CDH11: variants seen among roughly 807,000 people sequenced by gnomAD.
CDH11 encodes cadherin-11.
Under a neutral mutation model 67.8 loss-of-function variants are expected in CDH11, and 11 were observed. The observed-to-expected ratio is 0.16, with a 90% CI of 0.10 to 0.27. The LOEUF is 0.27. Ranked by LOEUF, CDH11 falls within the 10% of genes least tolerant of loss-of-function variation. The pLI, the probability that CDH11 is intolerant of heterozygous loss-of-function variation, is 1.00. For missense variants in CDH11, 847 were observed against 1,031.2 expected (o/e 0.82, Z 2.45); for synonymous variants, 419 against 400.0 (o/e 1.05, Z -0.57).
Position 65,101,054 on chromosome 16 carries a change from C to G in CDH11, c.-298+20826G>C, listed in dbSNP as rs2074982717. 3.3e-5 allele frequency among the ~76,000 whole-genome samples: 5 copies of G among 152,286 alleles called. No homozygotes were observed. The South Asian group carries it at 1.0e-3, about 32-fold the overall frequency. ...AACTTTCTTCCTTAAAGTAATTCCTCAAATATGTGTAGGCTATATTCTTCC... is the reference window on the plus strand; with the variant it reads ...AACTTTCTTCCTTAAAGTAATTCCTGAAATATGTGTAGGCTATATTCTTCC... On this transcript the variant is annotated intron_variant, in intron 1 of 12. Coordinates refer to ENST00000268603, the MANE Select transcript of CDH11 (RefSeq NM_001797.4).
chr16:65,111,735 AT>A (rs1040633814), intron 1 of CDH11, among the ~76,000 whole-genome samples: 7 of 150,632 alleles, frequency 4.6e-5, no homozygotes, highest in Middle Eastern at 3.4e-3. Flanking sequence ...CAATCTGGAG[AT>A]TTTAAGAATG....
chr16:64,973,019 A>C lies in CDH11; in HGVS notation c.1275T>G (p.Thr425=). The part of the protein sequence containing the change: ...SPIRYSIDRH[T]DLDRFFTINP... The stretch of plus-strand genomic sequence containing the variant: ...TAATAGTGAAAAATCTGTCGAGGTC[A>C]GTGTGACGATCGATGGAATACCTAA... The change falls in exon 9 of 13, where the codon ACT becomes ACG. Residue 425 remains threonine, a synonymous_variant. Coordinates refer to ENST00000268603, the MANE Select transcript of CDH11 (RefSeq NM_001797.4). 1 of 1,613,668 alleles carries C rather than the reference A, an allele frequency of 6.2e-7. No homozygotes were observed. Among genetic ancestry groups the C allele is most frequent in the South Asian group, 1.1e-5 (1 of 91,076 alleles).
At chr16:64,958,350 A>G (rs746127154) in intron 11 of CDH11, among the ~76,000 whole-genome samples, 1 of 152,118 alleles carries the variant, frequency 6.6e-6, no homozygotes, top group Non-Finnish European at 1.5e-5. Flanking sequence ...GCTTATATTT[A>G]TATTGCAGAT....
chr16:65,059,938 A>G (rs1314933782), intron 1 of CDH11, among the ~76,000 whole-genome samples: 1 of 152,144 alleles, frequency 6.6e-6, no homozygotes, highest in Admixed American at 6.5e-5. Context: ...ACTACATTTT[A>G]TCTGTATTTC....
At chr16:64,983,936 C>T (rs1394156830) in intron 7 of CDH11, among the ~76,000 whole-genome samples, 1 of 152,160 alleles carries the variant, frequency 6.6e-6, no homozygotes, top group Non-Finnish European at 1.5e-5. Context: ...AGAGCAGAAA[C>T]TTTTGTACTT....
At chr16:65,036,063 T>G (rs1363786764) in intron 2 of CDH11, among the ~76,000 whole-genome samples, 1 of 152,188 alleles carries the variant, frequency 6.6e-6, no homozygotes, top group Non-Finnish European at 1.5e-5. Context: ...TGCTGAACAC[T>G]ATGCTAAGCA....
intron 2 of CDH11, among the ~76,000 whole-genome samples, chr16:65,031,226 T>C (rs2073637299): frequency 6.6e-6 from 1 of 152,202 alleles, no homozygotes; most frequent in South Asian, 2.1e-4. Flanking sequence ...TAGAAATGCA[T>C]TCACCAAACA....
intron 1 of CDH11, among the ~76,000 whole-genome samples, chr16:65,114,150 G>A (rs2075204406): frequency 1.3e-5 from 2 of 152,160 alleles, no homozygotes; most frequent in Admixed American, 1.3e-4. Context: ...GGTTTCCTGA[G>A]AGGTAGTTAG....
intron 1 of CDH11, among the ~76,000 whole-genome samples, chr16:65,091,431 CTGT>C (rs2074790454): frequency 6.6e-6 from 1 of 152,244 alleles, no homozygotes; most frequent in Non-Finnish European, 1.5e-5. Context: ...TCTATGAATG[CTGT>C]TGATCGTACC....
chr16:65,111,989 G>A (rs979186169), intron 1 of CDH11, among the ~76,000 whole-genome samples: 1 of 146,530 alleles, frequency 6.8e-6, no homozygotes, highest in Admixed American at 7.0e-5. Flanking sequence ...ATAATCACTC[G>A]AACCCGGGAA....
At chr16:65,002,696 A>G (rs974673286) in intron 3 of CDH11, among the ~76,000 whole-genome samples, 5 of 152,214 alleles carry the variant, frequency 3.3e-5, no homozygotes, top group Admixed American at 2.0e-4. Flanking sequence ...GTTCTCATGT[A>G]AAAGAACAAT....
At chr16:65,076,770 C>T (rs1186525056) in intron 1 of CDH11, among the ~76,000 whole-genome samples, 3 of 139,638 alleles carry the variant, frequency 2.1e-5, no homozygotes, top group African/African-American at 5.3e-5. Context: ...TGAGTGAGAA[C>T]ATACGGTGCT....
At chr16:65,002,848 A>T (rs1235164554) in intron 3 of CDH11, among the ~76,000 whole-genome samples, 1 of 151,680 alleles carries the variant, frequency 6.6e-6, no homozygotes, top group Non-Finnish European at 1.5e-5. Flanking sequence ...TTCCTTTGAC[A>T]TCCCTCCCAA....
At chr16:65,046,730 T>C (rs571338195) in intron 2 of CDH11, among the ~76,000 whole-genome samples, 1 of 152,310 alleles carries the variant, frequency 6.6e-6, no homozygotes, top group African/African-American at 2.4e-5. Flanking sequence ...TTCTGTAGGT[T>C]TGGATAGTTT....
rs1288234322 is a variant in CDH11, at chr16:65,121,458, G to T, written c.-298+422C>A. Among the ~76,000 whole-genome samples, 1 of 152,212 alleles carries T rather than the reference G, an allele frequency of 6.6e-6. No homozygotes were observed. The highest frequency in any genetic ancestry group is 6.5e-5 in the Admixed American group (1 of 15,294). ...GGTCATGTCGCCGCTTTGGGGAAGC[G>T]GCGCAGGGCTGGCGGGCACCGCGCC... On this transcript the variant is annotated intron_variant, in intron 1 of 12. Transcript: ENST00000268603. The surrounding 1 kb of genome is among the most constrained non-coding windows in gnomAD (Gnocchi z 4.1).
intron 8 of CDH11, among the ~76,000 whole-genome samples, chr16:64,973,246 A>C (rs141519837): frequency 5.3e-5 from 8 of 152,320 alleles, no homozygotes; most frequent in African/African-American, 1.9e-4. Flanking sequence ...TATTCAGTAC[A>C]ATGAATGAAA....
intron 8 of CDH11, among the ~76,000 whole-genome samples, chr16:64,976,850 A>AAAAC (rs2072185118): frequency 9.4e-6 from 1 of 106,926 alleles, no homozygotes; most frequent in Non-Finnish European, 2.1e-5. Context: ...TCGGTCTCCA[A>AAAAC]AAACCAACCA....
At chr16:65,025,389 T>G (rs920069695) in intron 2 of CDH11, among the ~76,000 whole-genome samples, 1 of 152,066 alleles carries the variant, frequency 6.6e-6, no homozygotes, top group African/African-American at 2.4e-5. Context: ...CAGGCTGGAG[T>G]GCAGTGGCGC....
At chr16:65,004,503 T>G in intron 3 of CDH11, 139 bp downstream of exon 3, 1 of 697,944 alleles carries the variant, frequency 1.4e-6, no homozygotes, top group Non-Finnish European at 2.3e-6. Context: ...ATGTACAATA[T>G]TTGGGTGGTT....
Sources: gnomAD v4.1 joint callset for allele counts (sites outside exome capture counted in the v4.1 genomes callset) on GRCh38, gnomAD v4.1.1 for gene constraint, Gnocchi (gnomAD v3.1) non-coding constraint, MANE v1.5 for transcripts, NCBI Gene and HGNC (gene_info 2026-07-23, HGNC 2026-07-21) for gene names.